The following CES1 variants were observed in gnomAD, a reference collection of about 807,000 sequenced individuals.
The protein encoded by CES1 is carboxylesterase 1, also known as liver carboxylesterase 1.
Under a neutral mutation model 53.0 loss-of-function variants are expected in CES1, and 50 were observed. The observed-to-expected ratio is 0.94, with a 90% CI of 0.75 to 1.19. The LOEUF is 1.19. Ranked by LOEUF, CES1 falls within the 50% of genes most tolerant of loss-of-function variation. The pLI is 0.00. For synonymous variants in CES1, 202 were observed against 210.1 expected, an observed-to-expected ratio of 0.96 and a Z score of 0.33; for missense variants, 534 against 538.0, an observed-to-expected ratio of 0.99 and a Z score of 0.07.
chr16:55,815,671 C>T (rs1190908169), intron 8 of CES1, among the ~76,000 whole-genome samples: 5 of 152,010 alleles, frequency 3.3e-5, no homozygotes, highest in African/African-American at 9.7e-5. Context: ...ACTACTCCTC[C>T]CATCCCCACT....
intron 9 of CES1, chr16:55,812,383 T>G (rs773922433): frequency 1.0e-5 from 2 of 191,644 alleles, no homozygotes; most frequent in Non-Finnish European, 2.2e-5. Context: ...CATCCTCATC[T>G]TCCTCTGACC....
intron 11 of CES1, 56 bp downstream of exon 11, chr16:55,810,461 T>A: frequency 6.2e-7 from 1 of 1,610,280 alleles, no homozygotes; most frequent in Non-Finnish European, 8.5e-7. Flanking sequence ...GGTAGGTGGG[T>A]CAGATACAGA....
intron 4 of CES1, among the ~76,000 whole-genome samples, chr16:55,822,904 G>A (rs544726256): frequency 6.6e-6 from 1 of 152,200 alleles, no homozygotes; most frequent in South Asian, 2.1e-4. Context: ...TGGCATGGAT[G>A]GAGGAGAACC....
In CES1 at chr16:55,810,613, T is replaced by C; in HGVS notation, c.1222A>G (p.Thr408Ala). 1 of 1,614,150 alleles carries C rather than the reference T, an allele frequency of 6.2e-7. No individual in the cohort carries two copies. Among genetic ancestry groups the C allele is most frequent in the Middle Eastern group, 1.6e-4 (1 of 6,062 alleles). ...TCTTTCTTTTTGACAGTGTCGTCTG[T>C]TCCTCCTAAGTATTTCTCAGTGGCT... ...PEATEKYLGG[T>A]DDTVKKKDLF... Residue 408 changes from threonine to alanine, a missense_variant, in exon 11 of 14, where the codon ACA becomes GCA. This residue lies in a region of CES1 where 269 missense variants were observed against 206.6 expected (regional missense o/e 1.30). Transcript: ENST00000360526.
Position 55,833,021 on chromosome 16 carries a change from G to C in CES1, c.35C>G (p.Ser12Cys), listed in dbSNP as rs777641061. ...GGACTCACCCCAAGCCGCGGAAGCA[G>C]AGAGAGTGGCCAGGATAAAGGCACG... ...WLRAFILATL[S>C]ASAAWAGHPS... Residue 12 changes from serine to cysteine, a missense_variant, in exon 1 of 14, where the codon TCT becomes TGT. Coordinates refer to ENST00000360526, the MANE Select transcript of CES1 (RefSeq NM_001025195.2). 6.4e-7 allele frequency: 1 copy of C among 1,558,248 alleles called. No individual in the cohort carries two copies. Among genetic ancestry groups the C allele is most frequent in the South Asian group, 1.1e-5 (1 of 87,678 alleles).
intron 1 of CES1, 31 bp from the exon 2 acceptor site, chr16:55,829,005 A>G (rs1247358885): frequency 1.3e-6 from 2 of 1,572,176 alleles, no homozygotes; most frequent in African/African-American, 1.3e-5. Flanking sequence ...AGGATGCATC[A>G]GAGGCAAAAG....
At chr16:55,813,592 G>A (rs1172525028) in intron 8 of CES1, among the ~76,000 whole-genome samples, 2 of 152,220 alleles carry the variant, frequency 1.3e-5, no homozygotes, top group Admixed American at 6.5e-5. Flanking sequence ...ACAGCCTCAT[G>A]TATGAATCGG....
At chr16:55,819,890 A>G in intron 6 of CES1, 1 of 604,226 alleles carries the variant, frequency 1.7e-6, no homozygotes, top group South Asian at 1.9e-5. Flanking sequence ...GGACATAATC[A>G]TCTCAAGGTG....
intron 4 of CES1, among the ~76,000 whole-genome samples, chr16:55,822,263 A>C (rs2032229694): frequency 6.6e-6 from 1 of 152,258 alleles, no homozygotes; most frequent in Non-Finnish European, 1.5e-5. Flanking sequence ...TGTGCAACTC[A>C]GCTTTATATA....
intron 2 of CES1, chr16:55,827,864 A>G (rs1402203184): frequency 6.6e-6 from 1 of 152,184 alleles, no homozygotes. Context: ...GAATACAAAC[A>G]ATATATTACA....
chr16:55,820,200 T>A (rs1271980313), intron 6 of CES1, 172 bp downstream of exon 6: 1 of 589,590 alleles, frequency 1.7e-6, no homozygotes, highest in African/African-American at 1.9e-5. Context: ...GCTGTGAAAC[T>A]GGGACGCTGA....
At chr16:55,824,019 C>T (rs2032322993) in intron 3 of CES1, among the ~76,000 whole-genome samples, 1 of 152,250 alleles carries the variant, frequency 6.6e-6, no homozygotes, top group Admixed American at 6.5e-5. Context: ...CTCCCATCAC[C>T]CTCAAGCCTA....
intron 7 of CES1, among the ~76,000 whole-genome samples, chr16:55,818,040 A>C (rs563613766): frequency 1.9e-4 from 29 of 152,306 alleles, no homozygotes; most frequent in African/African-American, 6.0e-4. Context: ...AGACCTAAGC[A>C]CCAATACCAC....
At chr16:55,809,026 A>C (rs753987498) in intron 11 of CES1, among the ~76,000 whole-genome samples, 1 of 141,120 alleles carries the variant, frequency 7.1e-6, no homozygotes, top group Non-Finnish European at 1.5e-5. Flanking sequence ...TATATTCAGA[A>C]ATGTTATTTT....
intron 6 of CES1, chr16:55,820,065 G>C: frequency 1.7e-6 from 1 of 586,276 alleles, no homozygotes; most frequent in Non-Finnish European, 3.1e-6. Flanking sequence ...CTGGCACATA[G>C]GAGGAGTGTG....
intron 4 of CES1, among the ~76,000 whole-genome samples, chr16:55,822,362 C>CAAAGTAGGGGACTCTGAGTGGATTCTG (rs2032233868): frequency 6.6e-6 from 1 of 152,214 alleles, no homozygotes; most frequent in Non-Finnish European, 1.5e-5. Context: ...GGAAGAGGTG[C>CAAAGTAGGGGACTCTGAGTGGATTCTG]AAAGTAGGGG....
intron 7 of CES1, among the ~76,000 whole-genome samples, chr16:55,818,789 A>G (rs1307427074): frequency 1.3e-5 from 2 of 151,874 alleles, no homozygotes; most frequent in Non-Finnish European, 2.9e-5. Context: ...TGGTCAATAC[A>G]TGGAGTACAG....
chr16:55,810,721 C>T (rs2031652256), intron 10 of CES1, 57 bp from the exon 11 acceptor site: 6 of 1,599,408 alleles, frequency 3.8e-6, no homozygotes, highest in Non-Finnish European at 4.3e-6. Context: ...GCTTCTCCAG[C>T]CCACCAGAAA....
chr16:55,811,117 G>C, intron 9 of CES1, 107 bp from the exon 10 acceptor site: 1 of 940,210 alleles, frequency 1.1e-6, no homozygotes, highest in Non-Finnish European at 1.7e-6. Context: ...CTCTAATTAT[G>C]GGGGCTTTTA....
Sources: allele counts gnomAD v4.1 joint callset (sites outside exome capture counted in the v4.1 genomes callset), GRCh38; gene constraint gnomAD v4.1.1; regional missense constraint gnomAD v4.1.1; transcripts MANE v1.5; gene names NCBI Gene and HGNC (gene_info 2026-07-23, HGNC 2026-07-21).